DLGAP2: variants seen among roughly 807,000 people sequenced by gnomAD.
The protein encoded by DLGAP2 is DLG associated protein 2, also known as disks large-associated protein 2.
In DLGAP2, 26 loss-of-function variants were observed where a neutral mutation model predicts 100.3. The observed-to-expected ratio is 0.26, with a 90% CI of 0.19 to 0.36. The LOEUF (loss-of-function observed/expected upper bound fraction) is 0.36. DLGAP2 is among the 10% of genes least tolerant of loss of function. The pLI is 1.00. For missense variants in DLGAP2, 1,858 were observed against 1,453.2 expected, an observed-to-expected ratio of 1.28 and a Z score of -4.53; for synonymous variants, 886 against 630.1, an observed-to-expected ratio of 1.41 and a Z score of -6.08.
At chr8:769,462 A>G (rs1821301132) in intron 1 of DLGAP2, among the ~76,000 whole-genome samples, 1 of 152,178 alleles carries the variant, frequency 6.6e-6, no homozygotes, top group African/African-American at 2.4e-5. Flanking sequence ...CAAACTATTT[A>G]GAAAAATGAA....
chr8:1,412,113 C>A (rs1796748522), intron 3 of DLGAP2, among the ~76,000 whole-genome samples: 5 of 152,244 alleles, frequency 3.3e-5, no homozygotes, highest in African/African-American at 1.2e-4. Flanking sequence ...CAAGCATGGG[C>A]TGGGCTTGCT....
intron 3 of DLGAP2, among the ~76,000 whole-genome samples, chr8:1,337,626 C>A (rs1801319632): frequency 8.5e-6 from 1 of 117,050 alleles, no homozygotes; most frequent in African/African-American, 3.0e-5. Context: ...TAATTCATCC[C>A]CCCAAAAAAT....
Position 1,671,270 on chromosome 8 carries a change from G to T in DLGAP2, c.2202+1486G>T, listed in dbSNP as rs568124887. Reference sequence around the variant, plus strand: ...TGCCCTGGTTCTGTTCCTGTTCTGGGACACAGGGCAGGTGTCACGCTGTTC... The same window carrying T: ...TGCCCTGGTTCTGTTCCTGTTCTGGTACACAGGGCAGGTGTCACGCTGTTC... On this transcript the variant is annotated intron_variant, in intron 10 of 14. Coordinates refer to ENST00000637795, the MANE Select transcript of DLGAP2 (RefSeq NM_001346810.2). Among the ~76,000 whole-genome samples, 9 of 152,344 alleles carry T rather than the reference G, an allele frequency of 5.9e-5. No individual in the cohort carries two copies. In the South Asian group the frequency reaches 1.5e-3, roughly 25 times the overall value.
intron 2 of DLGAP2, among the ~76,000 whole-genome samples, chr8:1,085,363 A>G (rs57526211): frequency 0.026 from 3,966 of 152,270 alleles, 156 homozygotes; most frequent in African/African-American, 0.091. Flanking sequence ...CTATTTGGAT[A>G]CAGTCTTATT....
At chr8:1,038,646 T>G (rs1802202405) in intron 2 of DLGAP2, among the ~76,000 whole-genome samples, 1 of 152,240 alleles carries the variant, frequency 6.6e-6, no homozygotes, top group Non-Finnish European at 1.5e-5. Context: ...CACTTTAATT[T>G]CACAATGTGC....
At chr8:1,339,753 C>G (rs761220921) in intron 3 of DLGAP2, among the ~76,000 whole-genome samples, 4 of 152,132 alleles carry the variant, frequency 2.6e-5, no homozygotes, top group African/African-American at 9.7e-5. Flanking sequence ...ACCTGCCCTG[C>G]GCTGTGTGTT....
At chr8:771,528 T>A (rs1276105143) in intron 1 of DLGAP2, among the ~76,000 whole-genome samples, 1 of 152,224 alleles carries the variant, frequency 6.6e-6, no homozygotes, top group Non-Finnish European at 1.5e-5. Flanking sequence ...CTTAATTGTT[T>A]CACACCCAAA....
intron 6 of DLGAP2, among the ~76,000 whole-genome samples, chr8:1,592,248 C>T (rs1356608048): frequency 2.0e-5 from 3 of 152,212 alleles, no homozygotes; most frequent in African/African-American, 7.2e-5. Context: ...TCACAAAATA[C>T]GCCCCCATCG....
At chr8:1,253,208 A>G (rs1799089248) in intron 2 of DLGAP2, among the ~76,000 whole-genome samples, 1 of 152,198 alleles carries the variant, frequency 6.6e-6, no homozygotes, top group Non-Finnish European at 1.5e-5. Context: ...CTTCGTCCTG[A>G]GGAGCTCCAG....
At chr8:909,781 G>GT (rs1798448785) in intron 2 of DLGAP2, among the ~76,000 whole-genome samples, 1 of 152,182 alleles carries the variant, frequency 6.6e-6, no homozygotes, top group South Asian at 2.1e-4. Context: ...TCTTAAAAGT[G>GT]TAAGTCCATG....
chr8:1,473,907 A>G (rs6991371), intron 3 of DLGAP2, among the ~76,000 whole-genome samples: 93,732 of 151,980 alleles, frequency 0.62, 29,108 homozygotes, highest in Middle Eastern at 0.73. Flanking sequence ...GCCATGTGGA[A>G]CTGTGAGTCC....
chr8:1,442,771 G>T (rs993849055), intron 3 of DLGAP2, among the ~76,000 whole-genome samples: 2 of 148,200 alleles, frequency 1.3e-5, no homozygotes, highest in Non-Finnish European at 3.0e-5. Flanking sequence ...ACGGATCCGG[G>T]CATAGACCCA....
intron 1 of DLGAP2, among the ~76,000 whole-genome samples, chr8:743,098 T>C (rs1297428647): frequency 6.6e-6 from 1 of 152,214 alleles, no homozygotes; most frequent in Non-Finnish European, 1.5e-5. Context: ...TACTTTTTTG[T>C]ATATCTCTTG....
At chr8:1,171,697 G>T (rs1227187367) in intron 2 of DLGAP2, among the ~76,000 whole-genome samples, 1 of 152,054 alleles carries the variant, frequency 6.6e-6, no homozygotes, top group Non-Finnish European at 1.5e-5. Context: ...CAGAGACTAG[G>T]ATTGCAACCC....
At chr8:1,120,052 A>T (rs1263274022) in intron 2 of DLGAP2, among the ~76,000 whole-genome samples, 1 of 152,228 alleles carries the variant, frequency 6.6e-6, no homozygotes, top group Non-Finnish European at 1.5e-5. Context: ...GCAACTTATA[A>T]CAAAAACAGG....
chr8:1,450,718 G>C (rs919063714), intron 3 of DLGAP2, among the ~76,000 whole-genome samples: 1 of 152,116 alleles, frequency 6.6e-6, no homozygotes, highest in Admixed American at 6.5e-5. Context: ...GGATGAGGAG[G>C]GGGCCAAGCG....
chr8:848,387 C>CCT (rs1797112567), intron 1 of DLGAP2, among the ~76,000 whole-genome samples: 1 of 114,676 alleles, frequency 8.7e-6, no homozygotes, highest in Admixed American at 8.5e-5. Flanking sequence ...TCGTGCGGTG[C>CCT]GTGTTCCAGT....
Position 1,701,365 on chromosome 8 carries a change from A to G in DLGAP2, c.3127A>G (p.Ser1043Gly), listed in dbSNP as rs1799563874. The change falls in exon 15 of 15, where the codon AGC (serine) becomes GGC (glycine). Residue 1043 changes from serine to glycine, a missense_variant. Coordinates refer to ENST00000637795, the MANE Select transcript of DLGAP2 (RefSeq NM_001346810.2). ...RQNSASERAD[S>G]IEIYIPEAQT... ...GAATTCCGCCTCCGAGCGCGCGGAC[A>G]GCATCGAGATCTACATCCCCGAGGC... 1.3e-6 allele frequency: 2 copies of G among 1,598,408 alleles called. No individual in the cohort carries two copies. The highest frequency in any genetic ancestry group is 1.3e-5 in the African/African-American group (1 of 74,600).
chr8:1,162,422 A>G lies in DLGAP2; in HGVS notation c.74-96429A>G, dbSNP rs59295010. Among the ~76,000 whole-genome samples the G allele has an allele frequency of 8.7e-3, 1,328 of 152,330 alleles. 25 individuals are homozygous for G. Among genetic ancestry groups the G allele is most frequent in the African/African-American group, 0.03 (1,251 of 41,562 alleles). On this transcript the variant is annotated intron_variant, in intron 2 of 14. Transcript: ENST00000637795. ...AATATTGTTTTCAATAGGAAAATGC[A>G]TCAGTTAAAGCAGTCTGTTTCTACT...
Sources: gnomAD v4.1 joint callset for allele counts (sites outside exome capture counted in the v4.1 genomes callset) on GRCh38, gnomAD v4.1.1 for gene constraint, MANE v1.5 for transcripts, NCBI Gene and HGNC (gene_info 2026-07-23, HGNC 2026-07-21) for gene names.